PPEF1: variants seen among roughly 807,000 people sequenced by gnomAD.
The protein encoded by PPEF1 is serine/threonine-protein phosphatase with EF-hands 1.
In PPEF1, 12 loss-of-function variants were observed where a neutral mutation model predicts 53.3. The ratio of observed to expected loss-of-function variants is 0.23; its 90% confidence interval spans 0.14 to 0.36. The LOEUF is 0.36. Among genes scored for constraint, PPEF1 ranks in the 10% least tolerant of loss-of-function variants. The pLI, the probability that PPEF1 is intolerant of heterozygous loss-of-function variation, is 1.00. For missense variants in PPEF1, 334 were observed against 490.4 expected (o/e 0.68, Z 3.01); for synonymous variants, 165 against 176.7 (o/e 0.93, Z 0.52).
chrX:18,741,133 G>A (rs776050815), intron 3 of PPEF1, among the ~76,000 whole-genome samples: 67 of 111,809 alleles, frequency 6.0e-4, no homozygotes, highest in African/African-American at 2.0e-3. Context: ...CCTAAGGAAT[G>A]GGGAGTGGGT....
upstream of PPEF1, among the ~76,000 whole-genome samples, chrX:18,705,195 A>C (rs1359313037): frequency 9.0e-6 from 1 of 111,442 alleles, no homozygotes; most frequent in South Asian, 3.8e-4. Flanking sequence ...ATATTTAGTA[A>C]AATTCTCCAG....
At chrX:18,788,314 A>AAC (rs1819745697) in intron 9 of PPEF1, among the ~76,000 whole-genome samples, 1 of 71,312 alleles carries the variant, frequency 1.4e-5, no homozygotes. Flanking sequence ...CAAAAAAAAA[A>AAC]AAAAAAAAAA....
intron 10 of PPEF1, among the ~76,000 whole-genome samples, chrX:18,799,295 A>G (rs960767116): frequency 4.6e-5 from 5 of 108,659 alleles, no homozygotes; most frequent in Non-Finnish European, 9.5e-5. Flanking sequence ...AATCTCAGCT[A>G]GTCGGGAGAC....
chrX:18,768,752 C>T (rs1208574975), intron 6 of PPEF1, among the ~76,000 whole-genome samples: 1 of 111,985 alleles, frequency 8.9e-6, no homozygotes, highest in African/African-American at 3.2e-5. Flanking sequence ...CAGTTGTTGG[C>T]CCCAAAGACA....
At position 18,817,127 on chromosome X, in the gene PPEF1, A is replaced by G. The variant is rs193047865; in HGVS notation, c.1395-912A>G. 8.0e-3 allele frequency among the ~76,000 whole-genome samples: 867 copies of G among 108,884 alleles called. 11 individuals are homozygous for G. The highest frequency in any genetic ancestry group is 0.028 in the African/African-American group (830 of 29,868). The allele number at this position is 108,884 out of a possible 115,157, so 94.6% of individuals were successfully genotyped here. A position where few individuals can be genotyped will look rare whatever the true frequency, so the allele number is the denominator to read the frequency against. On this transcript the variant is annotated intron_variant, in intron 12 of 15. Coordinates refer to ENST00000470157, the MANE Select transcript of PPEF1 (RefSeq NM_001377996.1). ...GTGTACATGCACAAAAAATACAAAG[A>G]GGAACAAAACAGTAATTATATGTAT...
At chrX:18,761,508 T>A (rs2045666946) in intron 5 of PPEF1, 22 bp from the exon 6 acceptor site, 5 of 1,196,760 alleles carry the variant, frequency 4.2e-6, no homozygotes, top group Non-Finnish European at 5.7e-6. Flanking sequence ...TACTGAATAC[T>A]GATTTTTCAT....
At chrX:18,805,933 G>A (rs2046651314) in intron 11 of PPEF1, among the ~76,000 whole-genome samples, 1 of 108,325 alleles carries the variant, frequency 9.2e-6, no homozygotes, top group Non-Finnish European at 1.9e-5. Flanking sequence ...CCTTATTCTA[G>A]CCACTGCACC....
At chrX:18,743,694 C>G (rs2147435304) in intron 3 of PPEF1, among the ~76,000 whole-genome samples, 1 of 109,310 alleles carries the variant, frequency 9.1e-6, no homozygotes, top group East Asian at 2.9e-4. Context: ...GGTGATCCGC[C>G]CACCTCGGCC....
chrX:18,735,502 C>T (rs1182010850), intron 3 of PPEF1, among the ~76,000 whole-genome samples: 1 of 111,865 alleles, frequency 8.9e-6, no homozygotes, highest in Non-Finnish European at 1.9e-5. Flanking sequence ...TGTTTTGGTA[C>T]CAGTACCATG....
In PPEF1 at chrX:18,804,059, A is replaced by C. The variant is rs2046606327; in HGVS notation, c.1233A>C (p.Glu411Asp). The C allele has an allele frequency of 8.3e-7, 1 of 1,198,919 alleles. No homozygotes were observed. The highest frequency in any genetic ancestry group is 1.7e-5 in the African/African-American group (1 of 57,284). ...RSHECKPEGY[E>D]ICHDGKVVTI... ...ATGAATGTAAGCCCGAAGGGTATGA[A>C]ATCTGTCATGATGGGAAGGTAAGCT... is the stretch of plus-strand genomic sequence containing the variant. The change falls in exon 11 of 16, where the codon GAA becomes GAC. Residue 411 changes from glutamate (E) to aspartate (D), a missense_variant. Glu to Asp is a conservative substitution (Grantham distance 45, BLOSUM62 2). Coordinates refer to ENST00000470157, the MANE Select transcript of PPEF1 (RefSeq NM_001377996.1).
intron 2 of PPEF1, among the ~76,000 whole-genome samples, chrX:18,685,542 G>A (rs1929037374): frequency 9.1e-6 from 1 of 110,100 alleles, no homozygotes; most frequent in Admixed American, 9.7e-5. Context: ...AAAATTAGCC[G>A]GCCGCGGTGG....
At chrX:18,754,351 C>T (rs1340529639) in intron 4 of PPEF1, among the ~76,000 whole-genome samples, 1 of 111,073 alleles carries the variant, frequency 9.0e-6, no homozygotes, top group East Asian at 2.8e-4. Context: ...CCTACATGAC[C>T]GTTTTCTCTG....
At chrX:18,779,508 C>T (rs1256773594) in intron 7 of PPEF1, among the ~76,000 whole-genome samples, 4 of 111,930 alleles carry the variant, frequency 3.6e-5, no homozygotes, top group African/African-American at 9.7e-5. Flanking sequence ...GCAGGTTCTT[C>T]GAACAGATTT....
chrX:18,777,948 T>G (rs2046003441), intron 6 of PPEF1, among the ~76,000 whole-genome samples: 1 of 110,302 alleles, frequency 9.1e-6, no homozygotes, highest in African/African-American at 3.3e-5. Flanking sequence ...TTTCGTCACG[T>G]TGGCCAGGCT....
At chrX:18,782,253 G>A (rs1238863471) in intron 7 of PPEF1, 113 bp from the exon 8 acceptor site, 5 of 608,314 alleles carry the variant, frequency 8.2e-6, no homozygotes, top group Non-Finnish European at 1.3e-5. Context: ...CTGAACTCTG[G>A]TTTCTTGAGT....
At chrX:18,741,726 A>C (rs2045167018) in intron 3 of PPEF1, among the ~76,000 whole-genome samples, 1 of 105,733 alleles carries the variant, frequency 9.5e-6, no homozygotes, top group African/African-American at 3.5e-5. Context: ...TTCTTTATAT[A>C]GATGGAAGCA....
At chrX:18,681,758 A>G (rs1270611031), upstream of PPEF1, among the ~76,000 whole-genome samples, 2 of 111,743 alleles carry the variant, frequency 1.8e-5, no homozygotes, top group Non-Finnish European at 3.8e-5. Flanking sequence ...GAATGTGAGC[A>G]GAAGTGATGA....
chrX:18,821,457 G>T (rs1004809634), intron 13 of PPEF1, among the ~76,000 whole-genome samples: 1 of 110,478 alleles, frequency 9.1e-6, no homozygotes, highest in Non-Finnish European at 1.9e-5. Flanking sequence ...ACCCAGGCTG[G>T]AGTGCAGTGG....
At chrX:18,796,323 T>A (rs1448710596) in intron 10 of PPEF1, among the ~76,000 whole-genome samples, 1 of 112,735 alleles carries the variant, frequency 8.9e-6, no homozygotes, top group African/African-American at 3.2e-5. Flanking sequence ...TTTTGAAGAC[T>A]TTTCTTCAGG....
Sources: gnomAD v4.1 joint callset for allele counts (sites outside exome capture counted in the v4.1 genomes callset) on GRCh38, gnomAD v4.1.1 for gene constraint, MANE v1.5 for transcripts, NCBI Gene and HGNC (gene_info 2026-07-23, HGNC 2026-07-21) for gene names.